MTRR: variants seen among roughly 807,000 people sequenced by gnomAD.
The protein encoded by MTRR is methionine synthase reductase.
MTRR carries 63 observed loss-of-function variants against 79.2 expected under a neutral mutation model. That is an observed-to-expected ratio of 0.80 (90% confidence interval 0.65 to 0.98). MTRR has a LOEUF of 0.98. Ranked by LOEUF, MTRR falls within the 50% of genes least tolerant of loss-of-function variation. MTRR has a pLI of 0.00. For missense variants in MTRR, 895 were observed against 839.6 expected (o/e 1.07, Z -0.82); for synonymous variants, 355 against 313.3 (o/e 1.13, Z -1.41).
intron 4 of MTRR, among the ~76,000 whole-genome samples, chr5:7,876,925 A>T (rs1429775900): frequency 6.6e-6 from 1 of 152,200 alleles, no homozygotes; most frequent in Non-Finnish European, 1.5e-5. Flanking sequence ...TGTGAGAGTG[A>T]TATTTTACAT....
upstream of MTRR, among the ~76,000 whole-genome samples, chr5:7,866,309 C>T (rs1746941464): frequency 3.1e-5 from 3 of 96,422 alleles, no homozygotes; most frequent in South Asian, 1.1e-3. Context: ...TAATACCATC[C>T]TCTCAAAAAA....
intron 6 of MTRR, among the ~76,000 whole-genome samples, chr5:7,884,463 G>T (rs1297771306): frequency 6.6e-6 from 1 of 152,156 alleles, no homozygotes; most frequent in Non-Finnish European, 1.5e-5. Context: ...CACCACGTAA[G>T]TAGTTGCTAT....
chr5:7,858,771 A>T (rs1746338191), intron 1 of MTRR, among the ~76,000 whole-genome samples: 1 of 151,806 alleles, frequency 6.6e-6, no homozygotes, highest in African/African-American at 2.4e-5. Context: ...TCTCCTTGAA[A>T]CTGTAACCTG....
upstream of MTRR, among the ~76,000 whole-genome samples, chr5:7,866,342 A>C (rs1746948629): frequency 6.6e-6 from 1 of 151,224 alleles, no homozygotes; most frequent in Non-Finnish European, 1.5e-5. Context: ...ACAGTTGCTC[A>C]CTCATCAAAA....
chr5:7,875,850 A>G (rs7730643), intron 4 of MTRR, among the ~76,000 whole-genome samples: 29,662 of 152,192 alleles, frequency 0.19, 3,043 homozygotes, highest in South Asian at 0.37. Flanking sequence ...CTGAACGGCC[A>G]TTTGCCACCA....
At chr5:7,877,795 A>T in intron 4 of MTRR, 149 bp from the exon 5 acceptor site, 1 of 1,043,760 alleles carries the variant, frequency 9.6e-7, no homozygotes, top group Non-Finnish European at 1.4e-6. Context: ...AAACTTAATC[A>T]TGAAGTATTT....
At chr5:7,856,845 A>AT (rs1306363526) in intron 1 of MTRR, 1 of 149,706 alleles carries the variant, frequency 6.7e-6, no homozygotes, top group Non-Finnish European at 1.5e-5. Flanking sequence ...AAGTGTCCAC[A>AT]TGTACCCAAG....
At chr5:7,854,413 C>G (rs1746167696) in intron 1 of MTRR, among the ~76,000 whole-genome samples, 1 of 151,990 alleles carries the variant, frequency 6.6e-6, no homozygotes, top group African/African-American at 2.4e-5. Flanking sequence ...CACGTGATCA[C>G]AAGTTCCCTG....
In MTRR at chr5:7,900,043, G is replaced by A. The variant is rs1739229906; in HGVS notation, c.2082G>A (p.Gln694=). Residue 694 remains glutamine, a synonymous_variant, in exon 15 of 15, where the codon CAG becomes CAA. Transcript: ENST00000440940. ...TAAAAGAAGAAAAACGCTACCTTCAGGATATTTGGTCATAAAACCAGAAAT... is the reference window on the plus strand; with the variant it reads ...TAAAAGAAGAAAAACGCTACCTTCAAGATATTTGGTCATAAAACCAGAAAT... The part of the protein sequence containing the change: ...ATLKEEKRYL[Q]DIWS 1 of 1,613,276 alleles carries A rather than the reference G, an allele frequency of 6.2e-7. No homozygotes were observed. Among genetic ancestry groups the A allele is most frequent in the Admixed American group, 1.7e-5 (1 of 59,888 alleles).
chr5:7,862,972 T>C (rs1435187509), intron 2 of MTRR: 7 of 1,613,888 alleles, frequency 4.3e-6, no homozygotes, highest in Non-Finnish European at 5.9e-6. Flanking sequence ...TGACTTCACT[T>C]GATATTTAGG....
intron 1 of MTRR, among the ~76,000 whole-genome samples, chr5:7,851,971 G>T (rs1372856752): frequency 6.6e-6 from 1 of 152,246 alleles, no homozygotes; most frequent in Non-Finnish European, 1.5e-5. Context: ...GGTGGTGTTT[G>T]AGATGAAGCA....
At chr5:7,867,580 C>T (rs141133887), upstream of MTRR, 49 of 1,614,254 alleles carry the variant, frequency 3.0e-5, no homozygotes, top group African/African-American at 5.3e-4. Context: ...GTGAGGGCTC[C>T]TTTTCAAACT....
chr5:7,890,068 C>G (rs921441751), intron 9 of MTRR, among the ~76,000 whole-genome samples: 1 of 152,156 alleles, frequency 6.6e-6, no homozygotes, highest in Non-Finnish European at 1.5e-5. Flanking sequence ...CTTTCTTGTG[C>G]TTGTAACTTT....
intron 2 of MTRR, chr5:7,872,320 T>C (rs1190176347): frequency 2.5e-6 from 1 of 400,652 alleles, no homozygotes. Context: ...GACAAGGAAG[T>C]GTTCTATTTG....
chr5:7,889,490 G>A (rs574268647), intron 9 of MTRR, among the ~76,000 whole-genome samples: 1 of 152,164 alleles, frequency 6.6e-6, no homozygotes, highest in Non-Finnish European at 1.5e-5. Context: ...AGAAGTCACA[G>A]AATTCCCCTT....
chr5:7,856,503 A>G (rs1746251112), intron 1 of MTRR, among the ~76,000 whole-genome samples: 3 of 152,184 alleles, frequency 2.0e-5, no homozygotes, highest in Admixed American at 6.5e-5. Flanking sequence ...ATGAAGGAAC[A>G]CACGTGTACC....
In MTRR at chr5:7,870,323, T is replaced by A. The variant is rs963940801; in HGVS notation, c.-25-447T>A. Reference sequence around the variant, plus strand: ...TATAGTTTTTACTTTTATCTTTTTTTAAAAAGAGGAAACCAAAAGCTATTT... The same window carrying A: ...TATAGTTTTTACTTTTATCTTTTTTAAAAAAGAGGAAACCAAAAGCTATTT... On this transcript the variant is annotated intron_variant, in intron 1 of 14. Transcript: ENST00000440940. 3.2e-5 allele frequency: 6 copies of A among 188,512 alleles called. No individual in the cohort carries two copies. In the South Asian group the frequency reaches 4.5e-4, roughly 14 times the overall value. The allele number at this position is 188,512 out of a possible 1,614,324, so 11.7% of individuals were successfully genotyped here.
Position 7,878,326 on chromosome 5 carries a change from A to G in MTRR, c.780+4A>G. 6.2e-7 allele frequency: 1 copy of G among 1,614,092 alleles called. No individual in the cohort carries two copies. Among genetic ancestry groups the G allele is most frequent in the Non-Finnish European group, 8.5e-7 (1 of 1,179,950 alleles). ...TCTGCAGGAGTCTCTTGGCCAGGTA[A>G]GGAAGTTTTTCTTTATGCTATAGAT... On this transcript the variant is annotated splice_donor_region_variant and intron_variant, in intron 5 of 14. Coordinates refer to ENST00000440940, the MANE Select transcript of MTRR (RefSeq NM_002454.3).
chr5:7,894,523 G>T (rs1281335518), intron 11 of MTRR, among the ~76,000 whole-genome samples: 1 of 152,228 alleles, frequency 6.6e-6, no homozygotes, highest in African/African-American at 2.4e-5. Context: ...TAGAAAGTGT[G>T]CTGTTGTCAC....
Sources: allele counts gnomAD v4.1 joint callset (sites outside exome capture counted in the v4.1 genomes callset), GRCh38; gene constraint gnomAD v4.1.1; transcripts MANE v1.5; gene names NCBI Gene and HGNC (gene_info 2026-07-23, HGNC 2026-07-21).